Variants in GRIK2 observed in about 807,000 individuals in gnomAD.
GRIK2 encodes the protein glutamate ionotropic receptor kainate type subunit 2, also known as glutamate receptor ionotropic, kainate 2.
GRIK2 carries 32 observed loss-of-function variants against 100.3 expected under a neutral mutation model. That is an observed-to-expected ratio of 0.32 (90% CI 0.24 to 0.43). GRIK2 has a LOEUF of 0.43. GRIK2 is among the 20% of genes least tolerant of loss of function. GRIK2 has a pLI of 1.00. For synonymous variants in GRIK2, 417 were observed against 389.4 expected (o/e 1.07, Z -0.83); for missense variants, 843 against 1,114.9 (o/e 0.76, Z 3.47).
chr6:101,529,773 T>C (rs1775335862), intron 2 of GRIK2, among the ~76,000 whole-genome samples: 1 of 152,120 alleles, frequency 6.6e-6, no homozygotes, highest in African/African-American at 2.4e-5. Flanking sequence ...CAAAGTCCTA[T>C]GGGAATTCAG....
At chr6:101,771,455 T>C (rs1206188760) in intron 7 of GRIK2, among the ~76,000 whole-genome samples, 1 of 151,872 alleles carries the variant, frequency 6.6e-6, no homozygotes, top group East Asian at 1.9e-4. Context: ...AGTTCTGGAC[T>C]CATTATTAAC....
intron 7 of GRIK2, among the ~76,000 whole-genome samples, chr6:101,726,537 A>G (rs764895034): frequency 2.0e-5 from 3 of 152,024 alleles, no homozygotes; most frequent in Non-Finnish European, 4.4e-5. Flanking sequence ...TTTTATAGGA[A>G]CTAAACCTAT....
intron 2 of GRIK2, among the ~76,000 whole-genome samples, chr6:101,435,006 C>A (rs1238166473): frequency 6.6e-6 from 1 of 152,146 alleles, no homozygotes; most frequent in Non-Finnish European, 1.5e-5. Flanking sequence ...ACTGAGCCTG[C>A]ACTTTCAAAG....
intron 2 of GRIK2, among the ~76,000 whole-genome samples, chr6:101,488,187 C>T (rs1230992212): frequency 6.8e-6 from 1 of 146,398 alleles, no homozygotes; most frequent in Non-Finnish European, 1.5e-5. Context: ...CTTTATTTAA[C>T]CAAATTATTC....
At chr6:101,404,309 A>G (rs1192194080) in intron 2 of GRIK2, among the ~76,000 whole-genome samples, 1 of 152,264 alleles carries the variant, frequency 6.6e-6, no homozygotes. Flanking sequence ...ATGATGTATC[A>G]TTGATTATCA....
chr6:102,036,686 G>T (rs1435985973), intron 15 of GRIK2, among the ~76,000 whole-genome samples: 1 of 151,318 alleles, frequency 6.6e-6, no homozygotes, highest in Non-Finnish European at 1.5e-5. Flanking sequence ...GAAATGCCAG[G>T]TGACCTTTAG....
intron 14 of GRIK2, among the ~76,000 whole-genome samples, chr6:101,991,522 A>G (rs532576402): frequency 8.7e-4 from 132 of 151,358 alleles, no homozygotes; most frequent in Non-Finnish European, 1.7e-3. Context: ...ATGTTAGCAA[A>G]ATAAATATAA....
intron 15 of GRIK2, among the ~76,000 whole-genome samples, chr6:102,045,994 G>A (rs916370850): frequency 1.1e-4 from 17 of 152,014 alleles, no homozygotes; most frequent in Admixed American, 1.1e-3. Flanking sequence ...AACTGAAAGT[G>A]AAGTGATGGA....
intron 2 of GRIK2, among the ~76,000 whole-genome samples, chr6:101,498,165 A>G (rs1202478886): frequency 6.7e-6 from 1 of 148,802 alleles, no homozygotes; most frequent in African/African-American, 2.5e-5. Flanking sequence ...ATGATTTCCA[A>G]TTTCATCCAT....
intron 4 of GRIK2, among the ~76,000 whole-genome samples, chr6:101,643,272 A>G (rs901000459): frequency 6.6e-6 from 1 of 151,622 alleles, no homozygotes; most frequent in African/African-American, 2.4e-5. Flanking sequence ...TTTTGCTGTC[A>G]TATTCAATAA....
intron 2 of GRIK2, among the ~76,000 whole-genome samples, chr6:101,588,309 A>G: frequency 6.6e-6 from 1 of 152,248 alleles, no homozygotes; most frequent in East Asian, 1.9e-4. Context: ...CTTGAAAGCC[A>G]GAAAGAGCAG....
chr6:101,708,176 G>A (rs548719911), intron 7 of GRIK2, among the ~76,000 whole-genome samples: 23 of 150,788 alleles, frequency 1.5e-4, no homozygotes, highest in Admixed American at 3.3e-4. Flanking sequence ...CTTTTATTCC[G>A]TATTTAACAC....
chr6:101,536,394 C>G (rs530622295), intron 2 of GRIK2, among the ~76,000 whole-genome samples: 2 of 150,768 alleles, frequency 1.3e-5, no homozygotes. Context: ...TAGGTTTTAT[C>G]TGAAGGAAAT....
intron 4 of GRIK2, among the ~76,000 whole-genome samples, chr6:101,674,063 G>A (rs1193381832): frequency 1.3e-5 from 2 of 152,104 alleles, no homozygotes; most frequent in East Asian, 3.8e-4. Flanking sequence ...TCACCTTTAT[G>A]AAGTTGAGAA....
chr6:101,486,065 G>C (rs1772809099), intron 2 of GRIK2, among the ~76,000 whole-genome samples: 1 of 152,038 alleles, frequency 6.6e-6, no homozygotes, highest in Non-Finnish European at 1.5e-5. Flanking sequence ...TGATGGAATT[G>C]GTGAGTATTG....
At position 101,410,428 on chromosome 6, in the gene GRIK2, G is replaced by T. The variant is rs77926038; in HGVS notation, c.115+11036G>T. 2.7e-4 allele frequency among the ~76,000 whole-genome samples: 41 copies of T among 152,120 alleles called. 1 individual carries two copies. The East Asian group carries it at 7.7e-3, about 29-fold the overall frequency. ...ATTGGCTGCTTAGGCAATTTTTCTG[G>T]TGCTTACTTTTTAAGGTAGAACAGA... On this transcript the variant is annotated intron_variant, in intron 2 of 16. Coordinates refer to ENST00000369134, the MANE Select transcript of GRIK2 (RefSeq NM_021956.5).
intron 14 of GRIK2, among the ~76,000 whole-genome samples, chr6:102,024,580 G>A (rs1056466681): frequency 4.6e-5 from 7 of 151,122 alleles, no homozygotes; most frequent in Non-Finnish European, 7.4e-5. Context: ...TTGTACCTTC[G>A]CTTCCTTTCA....
chr6:101,792,992 G>T (rs1038039552), intron 7 of GRIK2, among the ~76,000 whole-genome samples: 4 of 151,992 alleles, frequency 2.6e-5, no homozygotes, highest in Non-Finnish European at 4.4e-5. Flanking sequence ...TCTTCCAGTT[G>T]ATCGCATCGG....
intron 2 of GRIK2, among the ~76,000 whole-genome samples, chr6:101,428,435 G>A (rs538179388): frequency 2.6e-5 from 4 of 152,210 alleles, no homozygotes; most frequent in African/African-American, 9.6e-5. Context: ...CAGAAGATAA[G>A]GCCTAAGGCT....
Sources: gnomAD v4.1 joint callset for allele counts (sites outside exome capture counted in the v4.1 genomes callset) on GRCh38, gnomAD v4.1.1 for gene constraint, MANE v1.5 for transcripts, NCBI Gene and HGNC (gene_info 2026-07-23, HGNC 2026-07-21) for gene names.